Variants in DLG1 observed in about 807,000 individuals in gnomAD.
The protein encoded by DLG1 is disks large homolog 1.
Under a neutral mutation model 123.4 loss-of-function variants are expected in DLG1, and 42 were observed. That is an observed-to-expected ratio of 0.34 (90% CI 0.27 to 0.44). The LOEUF is 0.44. Ranked by LOEUF, DLG1 falls within the 20% of genes least tolerant of loss-of-function variation. The probability of loss-of-function intolerance (pLI) is 1.00; values close to 1 mark genes in which losing one functional copy is unlikely to be tolerated. For synonymous variants in DLG1, 317 were observed against 356.2 expected, an observed-to-expected ratio of 0.89 and a Z score of 1.24; for missense variants, 942 against 1,082.6, an observed-to-expected ratio of 0.87 and a Z score of 1.82.
At chr3:197,217,629 G>T (rs1272183346) in intron 4 of DLG1, among the ~76,000 whole-genome samples, 1 of 152,134 alleles carries the variant, frequency 6.6e-6, no homozygotes, top group Non-Finnish European at 1.5e-5. Flanking sequence ...ACTGATACAG[G>T]CAAGGACACA....
rs371767709 is a variant in DLG1 at position 197,270,532 on chromosome 3, C to T, written c.318+12147G>A. ...AGAAAAAGAGTGTTATAGAAGAATG[C>T]CAACTAATAACTACAAACAGAATGA... On this transcript the variant is annotated intron_variant, in intron 4 of 24. Coordinates refer to ENST00000667157, the MANE Select transcript of DLG1 (RefSeq NM_001366207.1). Among the ~76,000 whole-genome samples the T allele has an allele frequency of 4.3e-4, 66 of 151,978 alleles. 1 individual carries two copies. The South Asian group carries it at 0.013, about 30-fold the overall frequency.
chr3:197,060,030 G>A (rs1297342766), intron 22 of DLG1, 32 bp from the exon 23 acceptor site: 1 of 1,499,246 alleles, frequency 6.7e-7, no homozygotes, highest in Non-Finnish European at 9.2e-7. Flanking sequence ...AAAAAAACAA[G>A]TGAGCCAAAT....
At chr3:197,260,763 A>AG in intron 4 of DLG1, among the ~76,000 whole-genome samples, 1 of 145,816 alleles carries the variant, frequency 6.9e-6, no homozygotes, top group East Asian at 2.0e-4. Flanking sequence ...AAAAAAAAAA[A>AG]AAAAAAAAAA....
intron 9 of DLG1, among the ~76,000 whole-genome samples, chr3:197,136,924 C>T (rs533525741): frequency 2.6e-5 from 4 of 152,204 alleles, no homozygotes; most frequent in African/African-American, 9.7e-5. Flanking sequence ...TTCGCAAATG[C>T]ACTTGTTATT....
At chr3:197,183,633 A>C in intron 5 of DLG1, 2 of 1,550,474 alleles carry the variant, frequency 1.3e-6, no homozygotes, top group Non-Finnish European at 1.7e-6. Context: ...TCGAGTGAAA[A>C]ATGCAACTAT....
chr3:197,165,741 T>C (rs988621275), intron 5 of DLG1, among the ~76,000 whole-genome samples: 1 of 152,244 alleles, frequency 6.6e-6, no homozygotes, highest in Non-Finnish European at 1.5e-5. Flanking sequence ...GATTTATGAA[T>C]GCATAAGAAA....
intron 4 of DLG1, among the ~76,000 whole-genome samples, chr3:197,221,067 T>C (rs182661590): frequency 6.6e-6 from 1 of 152,342 alleles, no homozygotes; most frequent in Non-Finnish European, 1.5e-5. Flanking sequence ...AGTTACCTAT[T>C]AGTGCTCAGT....
At chr3:197,102,748 G>A (rs1485976623) in intron 14 of DLG1, among the ~76,000 whole-genome samples, 2 of 152,188 alleles carry the variant, frequency 1.3e-5, no homozygotes, top group Non-Finnish European at 2.9e-5. Context: ...GGTGGCAGGT[G>A]CCTGTAATCC....
At chr3:197,283,838 A>G (rs1770499182) in intron 3 of DLG1, among the ~76,000 whole-genome samples, 1 of 150,242 alleles carries the variant, frequency 6.7e-6, no homozygotes, top group Non-Finnish European at 1.5e-5. Context: ...AGACAAACTT[A>G]ACTCCCTTTT....
intron 13 of DLG1, among the ~76,000 whole-genome samples, chr3:197,115,371 CAA>C (rs959494776): frequency 1.5e-5 from 2 of 131,238 alleles, no homozygotes. Context: ...AATATCAAGC[CAA>C]AAAAAAAAAA....
intron 4 of DLG1, among the ~76,000 whole-genome samples, chr3:197,251,672 C>T (rs1754509628): frequency 6.6e-6 from 1 of 152,048 alleles, no homozygotes; most frequent in Admixed American, 6.6e-5. Flanking sequence ...AATGAGATTA[C>T]ATCAAGCTAA....
At chr3:197,048,144 G>A (rs867992786) in intron 24 of DLG1, among the ~76,000 whole-genome samples, 3 of 152,162 alleles carry the variant, frequency 2.0e-5, no homozygotes, top group Non-Finnish European at 4.4e-5. Context: ...CAGTAAAAGT[G>A]CTCAACCTCA....
intron 5 of DLG1, among the ~76,000 whole-genome samples, chr3:197,153,008 T>C (rs980914913): frequency 1.4e-4 from 22 of 152,146 alleles, no homozygotes; most frequent in African/African-American, 4.6e-4. Flanking sequence ...ACAATCTGCA[T>C]TGTATTTCTC....
At chr3:197,297,952 C>G in intron 1 of DLG1, 3 of 981,458 alleles carry the variant, frequency 3.1e-6, no homozygotes, top group Non-Finnish European at 3.6e-6. Context: ...GAGGAGCTCC[C>G]CTGGGCCGCC....
chr3:197,202,547 G>A (rs1578015093), intron 4 of DLG1, among the ~76,000 whole-genome samples: 1 of 152,164 alleles, frequency 6.6e-6, no homozygotes, highest in East Asian at 1.9e-4. Flanking sequence ...CTGATTTTAG[G>A]AGAAGAAAAA....
At chr3:197,067,426 TTAAAGCTTC>T in intron 19 of DLG1, among the ~76,000 whole-genome samples, 1 of 152,124 alleles carries the variant, frequency 6.6e-6, no homozygotes. Context: ...ACACAAGAAG[TTAAAGCTTC>T]TAAAGGTTAA....
chr3:197,187,509 T>C (rs1716793289), intron 5 of DLG1, among the ~76,000 whole-genome samples: 1 of 152,210 alleles, frequency 6.6e-6, no homozygotes, highest in Non-Finnish European at 1.5e-5. Flanking sequence ...GACCCTGTTT[T>C]TTCTGTTTGA....
chr3:197,251,678 G>A (rs57512741), intron 4 of DLG1, among the ~76,000 whole-genome samples: 6,294 of 152,096 alleles, frequency 0.041, 178 homozygotes, highest in Non-Finnish European at 0.054. Flanking sequence ...ATTACATCAA[G>A]CTAAAAAGCT....
At chr3:197,114,514 TAA>T (rs1017272039) in intron 13 of DLG1, among the ~76,000 whole-genome samples, 1 of 152,202 alleles carries the variant, frequency 6.6e-6, no homozygotes, top group Non-Finnish European at 1.5e-5. Context: ...TGAAATAAAA[TAA>T]AGATACTTTC....
Sources: gnomAD v4.1 joint callset for allele counts (sites outside exome capture counted in the v4.1 genomes callset) on GRCh38, gnomAD v4.1.1 for gene constraint, MANE v1.5 for transcripts, NCBI Gene and HGNC (gene_info 2026-07-23, HGNC 2026-07-21) for gene names.